KIAA1328: variants seen among roughly 807,000 people sequenced by gnomAD.
KIAA1328 encodes protein hinderin.
In KIAA1328, 52 loss-of-function variants were observed where a neutral mutation model predicts 68.1. That is an observed-to-expected ratio of 0.76 (90% CI 0.61 to 0.96). KIAA1328 has a LOEUF of 0.96. Among genes scored for constraint, KIAA1328 ranks in the 40% least tolerant of loss-of-function variants. The pLI is 0.00. For missense variants in KIAA1328, 641 were observed against 677.6 expected (o/e 0.95, Z 0.60); for synonymous variants, 232 against 239.4 (o/e 0.97, Z 0.28).
chr18:37,028,595 C>A (rs1344080611), intron 6 of KIAA1328, among the ~76,000 whole-genome samples: 1 of 151,364 alleles, frequency 6.6e-6, no homozygotes, highest in Non-Finnish European at 1.5e-5. Flanking sequence ...ATGTCCTTGT[C>A]TTGTTCTGGT....
intron 7 of KIAA1328, among the ~76,000 whole-genome samples, chr18:37,132,145 T>C (rs1248827005): frequency 1.3e-5 from 2 of 152,190 alleles, no homozygotes; most frequent in Non-Finnish European, 2.9e-5. Context: ...CTGCCTTCTA[T>C]CTATGTCCAA....
intron 5 of KIAA1328, among the ~76,000 whole-genome samples, chr18:36,932,323 A>G (rs543294817): frequency 1.3e-5 from 2 of 152,266 alleles, no homozygotes; most frequent in South Asian, 4.2e-4. Context: ...CCCTGGCTCA[A>G]AGAATCCTGC....
chr18:37,214,353 C>T (rs1662922950), intron 9 of KIAA1328, among the ~76,000 whole-genome samples: 1 of 152,150 alleles, frequency 6.6e-6, no homozygotes, highest in Admixed American at 6.5e-5. Flanking sequence ...GATCCAGTTT[C>T]AGCTTTCTAC....
At chr18:37,182,894 T>C (rs2059724546) in intron 9 of KIAA1328, among the ~76,000 whole-genome samples, 1 of 152,180 alleles carries the variant, frequency 6.6e-6, no homozygotes, top group Admixed American at 6.5e-5. Context: ...TTCTGTGCTC[T>C]GGGAAACAAG....
intron 5 of KIAA1328, among the ~76,000 whole-genome samples, chr18:36,930,836 A>T (rs1293813312): frequency 6.6e-6 from 1 of 152,104 alleles, no homozygotes; most frequent in African/African-American, 2.4e-5. Flanking sequence ...AATTCTTCTT[A>T]TATTTAAATA....
At chr18:36,829,424 C>G in intron 1 of KIAA1328, 1 of 1,328,958 alleles carries the variant, frequency 7.5e-7, no homozygotes, top group Non-Finnish European at 9.6e-7. Flanking sequence ...CAGATGCTTC[C>G]CAGCGCTCAC....
chr18:37,071,057 C>CTTTTTTTTTT (rs58722044), intron 7 of KIAA1328, among the ~76,000 whole-genome samples: 49 of 86,840 alleles, frequency 5.6e-4, no homozygotes, highest in Non-Finnish European at 7.8e-4. Context: ...TTTTTTCTTC[C>CTTTTTTTTTT]TTTTTTTTTT....
At chr18:37,149,776 G>A (rs1021298099) in intron 7 of KIAA1328, among the ~76,000 whole-genome samples, 23 of 151,978 alleles carry the variant, frequency 1.5e-4, no homozygotes, top group African/African-American at 5.6e-4. Context: ...CTACTCTTTG[G>A]TAAGTCATGC....
intron 9 of KIAA1328, among the ~76,000 whole-genome samples, chr18:37,185,744 C>CGT (rs2059784740): frequency 6.7e-6 from 1 of 150,194 alleles, no homozygotes; most frequent in African/African-American, 2.5e-5. Context: ...CACACACGTA[C>CGT]ACACACACAC....
intron 5 of KIAA1328, among the ~76,000 whole-genome samples, chr18:36,926,809 A>G (rs760961564): frequency 5.3e-5 from 8 of 152,186 alleles, no homozygotes; most frequent in Admixed American, 2.0e-4. Flanking sequence ...GAGGCTAGGT[A>G]ATTTGCAAAG....
Position 37,003,465 on chromosome 18 carries a change from T to C in KIAA1328, c.576+44030T>C, listed in dbSNP as rs1296381518. ...GGCAGGGGACTCATATCCAGGATGT[T>C]CAAGGAATGCAAACATCTCCGCAGG... On this transcript the variant is annotated intron_variant, in intron 6 of 9. Coordinates refer to ENST00000280020, the MANE Select transcript of KIAA1328 (RefSeq NM_020776.3). 2.0e-5 allele frequency among the ~76,000 whole-genome samples: 3 copies of C among 152,112 alleles called. No homozygotes were observed. In the East Asian group the frequency reaches 5.8e-4, roughly 29 times the overall value.
chr18:37,007,630 A>G (rs1393377217), intron 6 of KIAA1328, among the ~76,000 whole-genome samples: 5 of 152,224 alleles, frequency 3.3e-5, no homozygotes, highest in South Asian at 2.1e-4. Context: ...AGAGGAGCCA[A>G]TCTGATGAGA....
chr18:37,185,728 C>T (rs552141007), intron 9 of KIAA1328, among the ~76,000 whole-genome samples: 1 of 151,620 alleles, frequency 6.6e-6, no homozygotes, highest in Non-Finnish European at 1.5e-5. Flanking sequence ...TATACACACA[C>T]ACACACACAC....
intron 6 of KIAA1328, among the ~76,000 whole-genome samples, chr18:37,019,538 G>A (rs1433135452): frequency 6.6e-6 from 1 of 152,194 alleles, no homozygotes; most frequent in Non-Finnish European, 1.5e-5. Flanking sequence ...CAGTGCCTAC[G>A]GGGATGGCCA....
intron 6 of KIAA1328, among the ~76,000 whole-genome samples, chr18:36,980,822 G>A (rs570604561): frequency 6.6e-6 from 1 of 152,272 alleles, no homozygotes; most frequent in East Asian, 1.9e-4. Flanking sequence ...ATAAGGGAGA[G>A]TTTCCTTGCA....
chr18:37,177,529 T>C (rs992379174), intron 9 of KIAA1328, among the ~76,000 whole-genome samples: 1 of 152,178 alleles, frequency 6.6e-6, no homozygotes, highest in Admixed American at 6.5e-5. Flanking sequence ...AAAGGGAGAT[T>C]TCACCAAATC....
chr18:36,986,179 C>T (rs1455091422), intron 6 of KIAA1328, among the ~76,000 whole-genome samples: 1 of 151,292 alleles, frequency 6.6e-6, no homozygotes, highest in African/African-American at 2.4e-5. Flanking sequence ...TTTTTATAAC[C>T]TCAAATTAAA....
At chr18:37,135,967 G>A (rs2058634000) in intron 7 of KIAA1328, among the ~76,000 whole-genome samples, 1 of 152,160 alleles carries the variant, frequency 6.6e-6, no homozygotes, top group Non-Finnish European at 1.5e-5. Context: ...GACAGTAGGT[G>A]TGTGGCTTTA....
intron 9 of KIAA1328, among the ~76,000 whole-genome samples, chr18:37,191,189 G>T (rs1006157257): frequency 6.6e-6 from 1 of 152,148 alleles, no homozygotes; most frequent in African/African-American, 2.4e-5. Context: ...TAAAGCCTAT[G>T]AAAGGAAATA....
Sources: gnomAD v4.1 joint callset for allele counts (sites outside exome capture counted in the v4.1 genomes callset) on GRCh38, gnomAD v4.1.1 for gene constraint, MANE v1.5 for transcripts, NCBI Gene and HGNC (gene_info 2026-07-23, HGNC 2026-07-21) for gene names.